PLCE1: variants seen among roughly 807,000 people sequenced by gnomAD.
PLCE1 encodes the protein 1-phosphatidylinositol 4,5-bisphosphate phosphodiesterase epsilon-1.
A neutral mutation model predicts 242.8 loss-of-function variants in PLCE1; 119 were observed. The ratio of observed to expected loss-of-function variants is 0.49; its 90% CI spans 0.42 to 0.57. The LOEUF (loss-of-function observed/expected upper bound fraction) is 0.57. Among genes scored for constraint, PLCE1 ranks in the 20% least tolerant of loss-of-function variants. PLCE1 has a pLI of 0.00. For missense variants in PLCE1, 2,441 were observed against 2,788.8 expected (o/e 0.88, Z 2.81); for synonymous variants, 945 against 1,017.4 (o/e 0.93, Z 1.35).
At chr10:94,205,054 T>C (rs2049114189) in intron 4 of PLCE1, among the ~76,000 whole-genome samples, 1 of 152,220 alleles carries the variant, frequency 6.6e-6, no homozygotes, top group Non-Finnish European at 1.5e-5. Flanking sequence ...GAATACCTGG[T>C]ATGACTTTTA....
intron 2 of PLCE1, 131 bp from the exon 3 acceptor site, chr10:94,132,043 T>C (rs1388540494): frequency 1.3e-6 from 1 of 785,008 alleles, no homozygotes; most frequent in East Asian, 2.7e-5. Context: ...ATGAGCCGAG[T>C]GCTCAGAGTG....
intron 13 of PLCE1, among the ~76,000 whole-genome samples, chr10:94,260,448 A>T (rs1236896150): frequency 1.3e-5 from 2 of 151,898 alleles, no homozygotes; most frequent in Non-Finnish European, 2.9e-5. Context: ...AAAACAAAAA[A>T]CTTTCCTCTT....
intron 29 of PLCE1, among the ~76,000 whole-genome samples, chr10:94,318,169 G>A (rs1258095267): frequency 6.6e-6 from 1 of 152,170 alleles, no homozygotes; most frequent in African/African-American, 2.4e-5. Context: ...GCAAAAAAAT[G>A]TAATTGTCTC....
rs2050696629 is a variant in PLCE1, at chr10:94,246,723, C to T, written c.3096+102C>T. Reference sequence around the variant, plus strand: ...TTCATGCTCCCAGCTCTGACAGTTACTACCTGTGGTGACCTTGGGCAGCTT... The same window carrying T: ...TTCATGCTCCCAGCTCTGACAGTTATTACCTGTGGTGACCTTGGGCAGCTT... On this transcript the variant is annotated intron_variant, in intron 8 of 32. Transcript: ENST00000371380. 9 of 1,086,900 alleles carry T rather than the reference C, an allele frequency of 8.3e-6. No individual in the cohort carries two copies. In the East Asian group the frequency reaches 2.3e-4, roughly 27 times the overall value. 67.3% of individuals were successfully genotyped at this position (1,086,900 alleles called of 1,614,324 possible).
intron 2 of PLCE1, among the ~76,000 whole-genome samples, chr10:94,088,839 G>A (rs192609063): frequency 6.6e-6 from 1 of 152,256 alleles, no homozygotes; most frequent in Non-Finnish European, 1.5e-5. Flanking sequence ...ACAAATTGAT[G>A]AGATCAGAAA....
At position 94,233,147 on chromosome 10, in the gene PLCE1, A is replaced by G. The variant is rs962808091; in HGVS notation, c.1956-907A>G. Among the ~76,000 whole-genome samples the G allele has an allele frequency of 2.6e-5, 4 of 152,222 alleles. No individual in the cohort carries two copies. The South Asian group carries it at 8.3e-4, about 32-fold the overall frequency. On this transcript the variant is annotated intron_variant, in intron 5 of 32. Transcript: ENST00000371380. Reference sequence around the variant, plus strand: ...CACCTTGTGAGGGCCTCTCTTTAGAAGGTGTGGTGCATTGTCATCTGTGGG... The same window carrying G: ...CACCTTGTGAGGGCCTCTCTTTAGAGGGTGTGGTGCATTGTCATCTGTGGG...
chr10:94,028,373 G>T (rs1029619770), intron 1 of PLCE1, among the ~76,000 whole-genome samples: 35 of 152,118 alleles, frequency 2.3e-4, no homozygotes, highest in African/African-American at 7.7e-4. Context: ...CTTTCCACAG[G>T]GATCTCTTCT....
intron 4 of PLCE1, among the ~76,000 whole-genome samples, chr10:94,207,514 C>T (rs2049194486): frequency 7.0e-6 from 1 of 142,768 alleles, no homozygotes; most frequent in African/African-American, 2.6e-5. Flanking sequence ...AATAGTTATA[C>T]GTGTGTGTGT....
intron 2 of PLCE1, among the ~76,000 whole-genome samples, chr10:94,038,194 G>C (rs1452756276): frequency 6.6e-6 from 1 of 152,154 alleles, no homozygotes; most frequent in Non-Finnish European, 1.5e-5. Flanking sequence ...TGGGGTTAGA[G>C]AGGAGGTTTC....
chr10:94,055,468 A>G (rs1278235068), intron 2 of PLCE1, among the ~76,000 whole-genome samples: 1 of 151,960 alleles, frequency 6.6e-6, no homozygotes, highest in Middle Eastern at 3.2e-3. Flanking sequence ...GGCACCCACT[A>G]TCACACCCGG....
chr10:94,271,375 T>A (rs945009837), intron 18 of PLCE1, among the ~76,000 whole-genome samples: 1 of 137,712 alleles, frequency 7.3e-6, no homozygotes, highest in Non-Finnish European at 1.5e-5. Context: ...AGTGCAGTGG[T>A]GCAATCTCTG....
intron 29 of PLCE1, among the ~76,000 whole-genome samples, chr10:94,319,982 G>C (rs1420583492): frequency 6.8e-6 from 1 of 147,534 alleles, no homozygotes; most frequent in Non-Finnish European, 1.5e-5. Flanking sequence ...CCACTCTCCT[G>C]CCTCAGCCTC....
At chr10:94,215,986 A>G (rs75167816) in intron 4 of PLCE1, among the ~76,000 whole-genome samples, 4,630 of 152,230 alleles carry the variant, frequency 0.03, 135 homozygotes, top group African/African-American at 0.083. Flanking sequence ...AAACCAATAC[A>G]TGCCAGCAGA....
chr10:94,100,921 A>C (rs752075620), intron 2 of PLCE1, among the ~76,000 whole-genome samples: 5 of 152,120 alleles, frequency 3.3e-5, no homozygotes, highest in Non-Finnish European at 7.4e-5. Flanking sequence ...TTCCTCCAGG[A>C]AGCATTTAGA....
At chr10:94,113,583 T>G (rs546793407) in intron 2 of PLCE1, among the ~76,000 whole-genome samples, 1 of 152,348 alleles carries the variant, frequency 6.6e-6, no homozygotes, top group Admixed American at 6.5e-5. Flanking sequence ...GCTCTTTGTA[T>G]GTATTCATTC....
intron 2 of PLCE1, among the ~76,000 whole-genome samples, chr10:94,115,195 C>A (rs939797520): frequency 1.3e-5 from 2 of 152,130 alleles, no homozygotes; most frequent in Non-Finnish European, 2.9e-5. Context: ...GGTTCCAGGT[C>A]TTTGCTATTG....
chr10:94,053,201 C>G (rs946169658), intron 2 of PLCE1, among the ~76,000 whole-genome samples: 1 of 152,192 alleles, frequency 6.6e-6, no homozygotes, highest in Non-Finnish European at 1.5e-5. Flanking sequence ...CTTAATCTCC[C>G]TAAGCCTCAG....
chr10:94,195,898 T>A (rs2048805657), intron 4 of PLCE1, among the ~76,000 whole-genome samples: 1 of 152,166 alleles, frequency 6.6e-6, no homozygotes, highest in Non-Finnish European at 1.5e-5. Context: ...TTTTAGCCCC[T>A]CTGAACATCA....
intron 2 of PLCE1, among the ~76,000 whole-genome samples, chr10:94,111,967 T>C (rs1215631630): frequency 6.6e-6 from 1 of 152,188 alleles, no homozygotes; most frequent in African/African-American, 2.4e-5. Flanking sequence ...AGGAACAGAA[T>C]CCCTAATCAT....
Sources: gnomAD v4.1 joint callset for allele counts (sites outside exome capture counted in the v4.1 genomes callset) on GRCh38, gnomAD v4.1.1 for gene constraint, MANE v1.5 for transcripts, NCBI Gene and HGNC (gene_info 2026-07-23, HGNC 2026-07-21) for gene names.